The following FAM83F variants were observed in gnomAD, a reference collection of about 807,000 sequenced individuals.
FAM83F encodes protein FAM83F.
FAM83F carries 45 observed loss-of-function variants against 42.9 expected under a neutral mutation model. The ratio of observed to expected loss-of-function variants is 1.05; its 90% CI spans 0.83 to 1.35. FAM83F has a LOEUF of 1.35. Ranked by LOEUF, FAM83F falls within the 40% of genes most tolerant of loss-of-function variation. The probability of loss-of-function intolerance (pLI) is 0.00; values close to 1 mark genes in which losing one functional copy is unlikely to be tolerated. For missense variants in FAM83F, 617 were observed against 695.9 expected (o/e 0.89, Z 1.28); for synonymous variants, 306 against 298.3 (o/e 1.03, Z -0.27).
chr22:39,999,325 T>C (rs2067385974), intron 1 of FAM83F, among the ~76,000 whole-genome samples: 1 of 152,292 alleles, frequency 6.6e-6, no homozygotes, highest in Non-Finnish European at 1.5e-5. Flanking sequence ...CAGGCTCCCT[T>C]GTGACCAGCG....
intron 1 of FAM83F, among the ~76,000 whole-genome samples, chr22:40,010,284 G>A (rs1007569906): frequency 6.6e-5 from 10 of 152,118 alleles, no homozygotes; most frequent in East Asian, 5.8e-4. Context: ...GGGGAATCAC[G>A]TGCTCAGTGA....
chr22:39,995,324 C>CGCGCCG lies in FAM83F; in HGVS notation c.291_296dup (p.Pro98_Ala99dup), dbSNP rs781431457. ...AGAGCAAGGCCAAGGCCAAGGCCCC[C>CGCGCCG]GCGCCGGCGCCGGCTGAGTCCGGCG... On this transcript the variant is annotated inframe_insertion, in exon 1 of 5. Coordinates refer to ENST00000333407, the MANE Select transcript of FAM83F (RefSeq NM_138435.4). This position sits in a 1 kb window ranked among gnomAD's most constrained non-coding sequence, Gnocchi z 4.6. 2.5e-5 allele frequency: 39 copies of CGCGCCG among 1,538,862 alleles called. No individual in the cohort carries two copies. The highest frequency in any genetic ancestry group is 2.1e-4 in the South Asian group (18 of 83,974).
Position 40,031,047 on chromosome 22 carries a change from G to A in FAM83F, c.*1482G>A, listed in dbSNP as rs1003152799. The A allele has an allele frequency of 1.3e-5, 2 of 152,298 alleles. No homozygotes were observed. The highest frequency in any genetic ancestry group is 2.9e-5 in the Non-Finnish European group (2 of 68,096). The allele number at this position is 152,298 out of a possible 1,614,324, so 9.4% of individuals were successfully genotyped here. ...GAGATGCAATCTCTCTGGCAGTGGGGAGGGGAAGGGAAAGGAAGGGTGAGC... is the reference window on the plus strand; with the variant it reads ...GAGATGCAATCTCTCTGGCAGTGGGAAGGGGAAGGGAAAGGAAGGGTGAGC... On this transcript the variant is annotated 3_prime_UTR_variant, in exon 5 of 5. Transcript: ENST00000333407.
At chr22:40,009,082 G>A (rs1321551137) in intron 1 of FAM83F, among the ~76,000 whole-genome samples, 1 of 152,200 alleles carries the variant, frequency 6.6e-6, no homozygotes, top group Non-Finnish European at 1.5e-5. Context: ...TAACTGCACA[G>A]CGTTTTTGTG....
Position 40,029,818 on chromosome 22 carries a change from T to C in FAM83F, c.*253T>C. 2.0e-6 allele frequency: 1 copy of C among 490,692 alleles called. No homozygotes were observed. The highest frequency in any genetic ancestry group is 3.6e-6 in the Non-Finnish European group (1 of 274,114). The allele number at this position is 490,692 out of a possible 1,614,324, so 30.4% of individuals were successfully genotyped here. ...CCACGGCCTCCTTGTTTACATGAAG[T>C]GGAAGCTTGACCAGTGTCTGCTCGC... On this transcript the variant is annotated 3_prime_UTR_variant, in exon 5 of 5. Coordinates refer to ENST00000333407, the MANE Select transcript of FAM83F (RefSeq NM_138435.4).
In FAM83F at chr22:40,027,307, G is replaced by A. The variant is rs148185123; in HGVS notation, c.1454-2209G>A. On this transcript the variant is annotated intron_variant, in intron 4 of 4. Coordinates refer to ENST00000333407, the MANE Select transcript of FAM83F (RefSeq NM_138435.4). ...TTTGCACATCATTGTCCTTGTCATG[G>A]CTTCCATGTGGGTGACCTCTGCCTC... Among the ~76,000 whole-genome samples the A allele has an allele frequency of 1.5e-4, 23 of 152,246 alleles. No individual in the cohort carries two copies. The East Asian group carries it at 2.5e-3, about 17-fold the overall frequency.
intron 1 of FAM83F, among the ~76,000 whole-genome samples, chr22:40,012,776 A>G (rs2067472923): frequency 6.7e-6 from 1 of 149,968 alleles, no homozygotes; most frequent in African/African-American, 2.5e-5. Context: ...CTCAAAAACA[A>G]ACAAACAAAC....
intron 1 of FAM83F, among the ~76,000 whole-genome samples, chr22:40,003,264 T>C (rs994770553): frequency 6.6e-6 from 1 of 152,144 alleles, no homozygotes; most frequent in Non-Finnish European, 1.5e-5. Context: ...GATTGTCCTC[T>C]TTATGGCCAC....
intron 1 of FAM83F, among the ~76,000 whole-genome samples, chr22:39,997,508 C>T (rs553742444): frequency 3.2e-4 from 48 of 152,320 alleles, no homozygotes; most frequent in African/African-American, 1.1e-3. Flanking sequence ...AGAAGATACA[C>T]GGTGTGGCTT....
At chr22:40,016,856 G>T (rs1438347368) in intron 1 of FAM83F, among the ~76,000 whole-genome samples, 2 of 151,752 alleles carry the variant, frequency 1.3e-5, no homozygotes, top group African/African-American at 4.8e-5. Flanking sequence ...TAAAGACAGG[G>T]TTTCACCATG....
chr22:40,021,202 C>A lies in FAM83F; in HGVS notation c.780-88C>A, dbSNP rs2067517844. On this transcript the variant is annotated intron_variant, in intron 3 of 4. Transcript: ENST00000333407. This position sits in a 1 kb window ranked among gnomAD's most constrained non-coding sequence, Gnocchi z 8.7. ...CCGTACACCTGCAGCAAGGGTCTGGCCACAGCGGAGGGGCAGGTGGGGGCG... is the reference window on the plus strand; with the variant it reads ...CCGTACACCTGCAGCAAGGGTCTGGACACAGCGGAGGGGCAGGTGGGGGCG... 1.4e-6 allele frequency: 2 copies of A among 1,435,116 alleles called. No individual in the cohort carries two copies. Among genetic ancestry groups the A allele is most frequent in the African/African-American group, 1.4e-5 (1 of 70,472 alleles). The allele number at this position is 1,435,116 out of a possible 1,614,324, so 88.9% of individuals were successfully genotyped here.
chr22:40,023,357 GCTGCTGCTGCTC>G lies in FAM83F; in HGVS notation c.1453+1400_1453+1411del, dbSNP rs1266881750. Reference sequence around the variant, plus strand: ...GGCTCCCCTAACACCAGCTGCTGCTGCTGCTGCTGCTCCTGCTCTGTACCTCTGGTTTGGAGG... The same window carrying G: ...GGCTCCCCTAACACCAGCTGCTGCTGCTGCTCTGTACCTCTGGTTTGGAGG... On this transcript the variant is annotated intron_variant, in intron 4 of 4. Transcript: ENST00000333407. This position sits in a 1 kb window ranked among gnomAD's most constrained non-coding sequence, Gnocchi z 4.1. Among the ~76,000 whole-genome samples the G allele has an allele frequency of 7.4e-6, 1 of 135,120 alleles. No homozygotes were observed. The highest frequency in any genetic ancestry group is 2.9e-5 in the African/African-American group (1 of 34,146). The allele number at this position is 135,120 out of a possible 152,430, so 88.6% of individuals were successfully genotyped here.
At chr22:40,005,297 G>A (rs763743961) in intron 1 of FAM83F, among the ~76,000 whole-genome samples, 3 of 152,248 alleles carry the variant, frequency 2.0e-5, no homozygotes, top group African/African-American at 4.8e-5. Context: ...AAAATCGCTT[G>A]TGTATCTTCT....
chr22:39,998,831 T>G (rs920436153), intron 1 of FAM83F: 2 of 152,214 alleles, frequency 1.3e-5, no homozygotes, highest in African/African-American at 4.8e-5. Flanking sequence ...AAAAATGATC[T>G]CCTGACCTAT....
In FAM83F at chr22:40,040,920, C is replaced by T. The variant is rs2067647684; in HGVS notation, c.*11355C>T. 6.6e-6 allele frequency: 1 copy of T among 152,260 alleles called. No homozygotes were observed. The highest frequency in any genetic ancestry group is 2.1e-4 in the South Asian group (1 of 4,836). The allele number at this position is 152,260 out of a possible 1,614,324, so 9.4% of individuals were successfully genotyped here. ...GGGCGGAAGGAGTTCTTCTGTGTCA[C>T]AGAAATTAGAGCTGGAGCAGATCCA... On this transcript the variant is annotated 3_prime_UTR_variant, in exon 5 of 5. Coordinates refer to ENST00000333407, the MANE Select transcript of FAM83F (RefSeq NM_138435.4).
At chr22:40,029,032 C>A (rs555238535) in intron 4 of FAM83F, among the ~76,000 whole-genome samples, 1 of 149,176 alleles carries the variant, frequency 6.7e-6, no homozygotes, top group Non-Finnish European at 1.5e-5. Context: ...ACTTTGCAGG[C>A]GGTGGAGCTG....
At chr22:40,022,087 A>G in intron 4 of FAM83F, 124 bp downstream of exon 4, 1 of 910,300 alleles carries the variant, frequency 1.1e-6, no homozygotes, top group Non-Finnish European at 1.6e-6. Context: ...GGGCACAGAG[A>G]GGGCAGGAGC....
intron 1 of FAM83F, among the ~76,000 whole-genome samples, chr22:39,998,619 G>T (rs1369926600): frequency 6.6e-6 from 1 of 152,138 alleles, no homozygotes; most frequent in Non-Finnish European, 1.5e-5. Context: ...TGAGCGGCCT[G>T]TACCCTGGGC....
At chr22:40,025,510 C>T (rs1312190884) in intron 4 of FAM83F, among the ~76,000 whole-genome samples, 3 of 152,038 alleles carry the variant, frequency 2.0e-5, no homozygotes, top group Admixed American at 6.6e-5. Flanking sequence ...GTCAGGAGTT[C>T]GAGACCAGCC....
Sources: allele counts gnomAD v4.1 joint callset (sites outside exome capture counted in the v4.1 genomes callset), GRCh38; gene constraint gnomAD v4.1.1; non-coding constraint Gnocchi (gnomAD v3.1); transcripts MANE v1.5; gene names NCBI Gene and HGNC (gene_info 2026-07-23, HGNC 2026-07-21).